The following ANKRD36 variants were observed in gnomAD, a reference collection of about 807,000 sequenced individuals.
ANKRD36 encodes ankyrin repeat domain 36, also known as ankyrin repeat domain-containing protein 36A.
A neutral mutation model predicts 278.1 loss-of-function variants in ANKRD36; 179 were observed. The ratio of observed to expected loss-of-function variants is 0.64; its 90% confidence interval spans 0.57 to 0.73. The LOEUF (loss-of-function observed/expected upper bound fraction) is 0.73, where lower values mean the gene tolerates loss of function less well. Ranked by LOEUF, ANKRD36 falls within the 30% of genes least tolerant of loss-of-function variation. The pLI, the probability that ANKRD36 is intolerant of heterozygous loss-of-function variation, is 0.00. For missense variants in ANKRD36, 1,159 were observed against 1,956.7 expected (o/e 0.59, Z 7.69); for synonymous variants, 320 against 641.1 (o/e 0.50, Z 7.57).
chr2:97,183,179 G>A lies in ANKRD36; in HGVS notation c.1838-280G>A, dbSNP rs2924032. Among the ~76,000 whole-genome samples the A allele has an allele frequency of 2.3e-3, 344 of 151,718 alleles. 4 individuals are homozygous for A. Among genetic ancestry groups the A allele is most frequent in the Non-Finnish European group, 6.9e-4 (47 of 67,860 alleles). On this transcript the variant is annotated intron_variant, in intron 26 of 75. Coordinates refer to ENST00000420699, the MANE Select transcript of ANKRD36 (RefSeq NM_001354587.1). ...TAGATCACATTTCTTTTCATCATTCGGCATATCCACATTGATATTGACACT... is the reference window on the plus strand; with the variant it reads ...TAGATCACATTTCTTTTCATCATTCAGCATATCCACATTGATATTGACACT...
At chr2:97,175,992 G>C (rs1391304891) in intron 22 of ANKRD36, among the ~76,000 whole-genome samples, 12 of 151,962 alleles carry the variant, frequency 7.9e-5, no homozygotes, top group African/African-American at 2.4e-4. Context: ...CTGAGAGATA[G>C]TTTGTTATAA....
intron 66 of ANKRD36, among the ~76,000 whole-genome samples, chr2:97,222,815 A>G (rs2068138499): frequency 1.3e-5 from 2 of 152,118 alleles, no homozygotes; most frequent in Admixed American, 1.3e-4. Context: ...AGTTAATCAA[A>G]TGAAATTTAT....
intron 6 of ANKRD36, among the ~76,000 whole-genome samples, chr2:97,138,180 G>T (rs950253718): frequency 6.6e-6 from 1 of 152,072 alleles, no homozygotes; most frequent in Non-Finnish European, 1.5e-5. Flanking sequence ...TGACATGATT[G>T]TATATTTAGA....
chr2:97,178,731 T>A (rs1256624601), intron 22 of ANKRD36, among the ~76,000 whole-genome samples: 1 of 150,436 alleles, frequency 6.6e-6, no homozygotes, highest in East Asian at 2.0e-4. Flanking sequence ...TAATGCTAGA[T>A]GATGAGATAG....
At chr2:97,224,452 G>GTTTTTTTTT (rs199810806) in intron 66 of ANKRD36, among the ~76,000 whole-genome samples, 2 of 137,978 alleles carry the variant, frequency 1.4e-5, no homozygotes, top group East Asian at 2.2e-4. Flanking sequence ...TTGTTTTTTT[G>GTTTTTTTTT]TTTTTTTTTT....
intron 46 of ANKRD36, 119 bp downstream of exon 46, chr2:97,200,644 C>T: frequency 1.4e-6 from 2 of 1,457,854 alleles, no homozygotes; most frequent in Non-Finnish European, 9.2e-7. Context: ...GCTTGAGATT[C>T]TTCTTTTCTA....
Position 97,135,537 on chromosome 2 carries a change from G to A in ANKRD36, c.800-7103G>A, listed in dbSNP as rs960378313. The stretch of plus-strand genomic sequence containing the variant: ...ATAAAATGGCTATGTGATAAGTGAG[G>A]CAAATGCAGTAGGCATTGCCATGTA... On this transcript the variant is annotated intron_variant, in intron 6 of 75. Coordinates refer to ENST00000420699, the MANE Select transcript of ANKRD36 (RefSeq NM_001354587.1). 1.1e-3 allele frequency among the ~76,000 whole-genome samples: 164 copies of A among 150,654 alleles called. 4 individuals carry two copies. In the East Asian group the frequency reaches 0.013, roughly 12 times the overall value.
At chr2:97,191,511 A>T (rs999845824) in intron 36 of ANKRD36, among the ~76,000 whole-genome samples, 7 of 151,728 alleles carry the variant, frequency 4.6e-5, no homozygotes, top group Non-Finnish European at 8.8e-5. Context: ...GAGAGGAAGT[A>T]TAGATTTTAC....
chr2:97,196,674 C>T (rs774742780), intron 41 of ANKRD36, 42 bp from the exon 42 acceptor site: 8 of 1,592,534 alleles, frequency 5.0e-6, no homozygotes, highest in Non-Finnish European at 6.8e-6. Context: ...GTCTATGAAA[C>T]ATACTTTATT....
intron 22 of ANKRD36, among the ~76,000 whole-genome samples, chr2:97,173,909 T>C (rs1437102053): frequency 6.9e-6 from 1 of 145,470 alleles, no homozygotes; most frequent in Non-Finnish European, 1.6e-5. Context: ...GCTGAGGTAG[T>C]TATTTTGTAA....
chr2:97,229,729 G>A (rs1279319494), intron 67 of ANKRD36, among the ~76,000 whole-genome samples: 103 of 151,998 alleles, frequency 6.8e-4, no homozygotes, highest in Non-Finnish European at 1.3e-3. Context: ...TTTCTTCCTA[G>A]TCTCGATGGT....
intron 22 of ANKRD36, among the ~76,000 whole-genome samples, chr2:97,174,576 G>A (rs1011424040): frequency 1.3e-5 from 2 of 151,786 alleles, no homozygotes; most frequent in African/African-American, 2.4e-5. Context: ...TGCAAACAGG[G>A]ACAATTTGAC....
intron 30 of ANKRD36, among the ~76,000 whole-genome samples, chr2:97,186,316 T>A (rs1369349762): frequency 6.6e-6 from 1 of 150,970 alleles, no homozygotes; most frequent in African/African-American, 2.4e-5. Context: ...ATTTAGAGAA[T>A]AGTATGATCC....
Position 97,113,607 on chromosome 2 carries a change from G to C in ANKRD36, c.-133G>C, listed in dbSNP as rs2034175488. 3.4e-6 allele frequency: 4 copies of C among 1,161,790 alleles called. No homozygotes were observed. The highest frequency in any genetic ancestry group is 4.9e-6 in the Non-Finnish European group (4 of 821,640). The allele number at this position is 1,161,790 out of a possible 1,614,324, so 72.0% of individuals were successfully genotyped here. Reference sequence around the variant, plus strand: ...CCCTTCTGTTGGGCGTTTCTGCTGAGAGGCGGGAGGCGCTGAGAGTCTGTG... The same window carrying C: ...CCCTTCTGTTGGGCGTTTCTGCTGACAGGCGGGAGGCGCTGAGAGTCTGTG... On this transcript the variant is annotated 5_prime_UTR_variant, in exon 1 of 76. Transcript: ENST00000420699.
intron 22 of ANKRD36, among the ~76,000 whole-genome samples, chr2:97,177,937 G>A (rs2153534710): frequency 6.7e-6 from 1 of 149,556 alleles, no homozygotes; most frequent in Non-Finnish European, 1.5e-5. Flanking sequence ...ATCTGACAAA[G>A]GGCTAATATC....
chr2:97,206,836 G>A (rs1439325305), intron 52 of ANKRD36, among the ~76,000 whole-genome samples: 1 of 151,380 alleles, frequency 6.6e-6, no homozygotes, highest in Non-Finnish European at 1.5e-5. Flanking sequence ...GTTGATTTTA[G>A]GTATAGAAAT....
intron 66 of ANKRD36, among the ~76,000 whole-genome samples, chr2:97,220,843 T>C (rs1234354763): frequency 6.8e-6 from 1 of 147,822 alleles, no homozygotes; most frequent in African/African-American, 2.5e-5. Flanking sequence ...TAGCTATATA[T>C]GTATACATGT....
intron 14 of ANKRD36, among the ~76,000 whole-genome samples, chr2:97,153,760 G>T (rs961132688): frequency 1.4e-5 from 2 of 147,838 alleles, no homozygotes; most frequent in African/African-American, 4.8e-5. Flanking sequence ...ATTTGCAGGG[G>T]ACAGCCAAAT....
At chr2:97,217,406 A>C (rs1467440603) in intron 64 of ANKRD36, 34 bp downstream of exon 64, 14 of 1,548,862 alleles carry the variant, frequency 9.0e-6, no homozygotes, top group Admixed American at 2.0e-5. Flanking sequence ...TGTCATGTGC[A>C]CTCAAGATAG....
Sources: gnomAD v4.1 joint callset for allele counts (sites outside exome capture counted in the v4.1 genomes callset) on GRCh38, gnomAD v4.1.1 for gene constraint, MANE v1.5 for transcripts, NCBI Gene and HGNC (gene_info 2026-07-23, HGNC 2026-07-21) for gene names.